ZNF804B: variants seen among roughly 807,000 people sequenced by gnomAD.
The protein encoded by ZNF804B is zinc finger protein 804B.
Under a neutral mutation model 101.4 loss-of-function variants are expected in ZNF804B, and 80 were observed. That is an observed-to-expected ratio of 0.79 (90% CI 0.66 to 0.95). ZNF804B has a LOEUF of 0.95. Ranked by LOEUF, ZNF804B falls within the 40% of genes least tolerant of loss-of-function variation. ZNF804B has a pLI of 0.00. For missense variants in ZNF804B, 1,673 were observed against 1,561.9 expected, an observed-to-expected ratio of 1.07 and a Z score of -1.20; for synonymous variants, 622 against 558.8, an observed-to-expected ratio of 1.11 and a Z score of -1.59.
intron 1 of ZNF804B, among the ~76,000 whole-genome samples, chr7:88,760,389 TGTC>T (rs1024352100): frequency 6.6e-5 from 10 of 152,352 alleles, no homozygotes; most frequent in Admixed American, 5.9e-4. Flanking sequence ...CTCTGTGCTA[TGTC>T]AACTTACGAA....
intron 1 of ZNF804B, among the ~76,000 whole-genome samples, chr7:88,801,962 C>T (rs926214790): frequency 6.6e-6 from 1 of 152,018 alleles, no homozygotes; most frequent in Non-Finnish European, 1.5e-5. Flanking sequence ...AATCTCATTT[C>T]GAATTGTAAT....
intron 2 of ZNF804B, among the ~76,000 whole-genome samples, chr7:89,279,715 G>T (rs1790050319): frequency 6.6e-6 from 1 of 152,076 alleles, no homozygotes; most frequent in South Asian, 2.1e-4. Flanking sequence ...CTTGATCATG[G>T]TGGGTAAGCT....
At chr7:89,259,466 GC>G (rs1789680322) in intron 2 of ZNF804B, among the ~76,000 whole-genome samples, 1 of 152,180 alleles carries the variant, frequency 6.6e-6, no homozygotes, top group Non-Finnish European at 1.5e-5. Context: ...GACTTTCACA[GC>G]TTTTTCTATA....
At chr7:88,762,927 G>A (rs1318244444) in intron 1 of ZNF804B, among the ~76,000 whole-genome samples, 1 of 151,888 alleles carries the variant, frequency 6.6e-6, no homozygotes, top group African/African-American at 2.4e-5. Context: ...TGTTTTATTA[G>A]AACTGTTTGC....
intron 1 of ZNF804B, among the ~76,000 whole-genome samples, chr7:89,192,279 C>T (rs999353476): frequency 3.3e-5 from 5 of 151,916 alleles, no homozygotes; most frequent in African/African-American, 1.2e-4. Context: ...TCTTTTCACC[C>T]CCTTTACCCC....
intron 3 of ZNF804B, among the ~76,000 whole-genome samples, chr7:89,331,706 G>A (rs929168138): frequency 6.6e-6 from 1 of 151,264 alleles, no homozygotes; most frequent in East Asian, 1.9e-4. Flanking sequence ...ATTGAATATT[G>A]TAAAAAAAAC....
rs150732505 is a variant in ZNF804B at position 89,222,458 on chromosome 7, A to T, written c.249+4163A>T. ...CTTTTCAAACTATCCCATTTATATGATCACTCTTTTCCTAGGAAATCTTTA... is the reference window on the plus strand; with the variant it reads ...CTTTTCAAACTATCCCATTTATATGTTCACTCTTTTCCTAGGAAATCTTTA... On this transcript the variant is annotated intron_variant, in intron 2 of 3. Transcript: ENST00000333190. Among the ~76,000 whole-genome samples the T allele has an allele frequency of 6.6e-4, 101 of 152,056 alleles. 1 individual carries two copies. Among genetic ancestry groups the T allele is most frequent in the Middle Eastern group, 6.8e-3 (2 of 294 alleles).
chr7:89,156,921 A>G (rs1790987750), intron 1 of ZNF804B, among the ~76,000 whole-genome samples: 1 of 152,156 alleles, frequency 6.6e-6, no homozygotes, highest in African/African-American at 2.4e-5. Context: ...TCGGAACTTG[A>G]TAACCAGTGA....
At chr7:89,151,725 A>G (rs1413528299) in intron 1 of ZNF804B, among the ~76,000 whole-genome samples, 1 of 152,138 alleles carries the variant, frequency 6.6e-6, no homozygotes, top group East Asian at 1.9e-4. Context: ...TTTTCCTGAA[A>G]GTGAGTGGCA....
chr7:88,762,297 G>A (rs1172236367), intron 1 of ZNF804B, among the ~76,000 whole-genome samples: 1 of 152,078 alleles, frequency 6.6e-6, no homozygotes, highest in African/African-American at 2.4e-5. Flanking sequence ...AGTTTCTCAT[G>A]TGAGCTGGGC....
Position 88,870,277 on chromosome 7 carries a change from C to T in ZNF804B, c.108+110193C>T, listed in dbSNP as rs1232586103. ...GCGCGCGCCTGTAGTCCCAGCTACA[C>T]GGGAGGCTGAGGCAGGAGAATGGCG... On this transcript the variant is annotated intron_variant, in intron 1 of 3. Transcript: ENST00000333190. Among the ~76,000 whole-genome samples the T allele has an allele frequency of 8.1e-5, 12 of 147,960 alleles. No homozygotes were observed. The South Asian group carries it at 8.7e-4, about 11-fold the overall frequency.
At chr7:89,271,650 G>C (rs929615735) in intron 2 of ZNF804B, among the ~76,000 whole-genome samples, 1 of 152,154 alleles carries the variant, frequency 6.6e-6, no homozygotes, top group Non-Finnish European at 1.5e-5. Context: ...AATGGTACCA[G>C]CTCCTCTTTG....
chr7:89,262,988 T>A (rs2115817928), intron 2 of ZNF804B, among the ~76,000 whole-genome samples: 1 of 152,342 alleles, frequency 6.6e-6, no homozygotes, highest in African/African-American at 2.4e-5. Context: ...AGTTGTCCTG[T>A]ACGACTATCT....
intron 2 of ZNF804B, among the ~76,000 whole-genome samples, chr7:89,280,154 G>C (rs1790065893): frequency 6.6e-6 from 1 of 152,164 alleles, no homozygotes; most frequent in African/African-American, 2.4e-5. Flanking sequence ...GCTCCTGAAA[G>C]ACTACTGGGT....
chr7:88,914,671 A>G (rs1792606113), intron 1 of ZNF804B, among the ~76,000 whole-genome samples: 1 of 152,212 alleles, frequency 6.6e-6, no homozygotes, highest in South Asian at 2.1e-4. Context: ...CAATTAAGTT[A>G]TATCAAAACT....
chr7:88,902,087 T>C (rs1336849404), intron 1 of ZNF804B, among the ~76,000 whole-genome samples: 2 of 151,946 alleles, frequency 1.3e-5, no homozygotes, highest in Admixed American at 6.6e-5. Context: ...CATCATTCTT[T>C]TGATTTAGCT....
chr7:88,862,921 T>C (rs1388940339), intron 1 of ZNF804B, among the ~76,000 whole-genome samples: 1 of 152,210 alleles, frequency 6.6e-6, no homozygotes, highest in Non-Finnish European at 1.5e-5. Context: ...CAGTGCTCTC[T>C]ATTCGTCATC....
chr7:88,900,224 T>C (rs1207220791), intron 1 of ZNF804B, among the ~76,000 whole-genome samples: 2 of 152,038 alleles, frequency 1.3e-5, no homozygotes, highest in Non-Finnish European at 2.9e-5. Context: ...ACAAAGATGT[T>C]AGTTCAGTGC....
intron 1 of ZNF804B, among the ~76,000 whole-genome samples, chr7:89,203,901 A>G (rs1396366776): frequency 1.3e-5 from 2 of 152,248 alleles, no homozygotes; most frequent in South Asian, 2.1e-4. Flanking sequence ...ACATAAACAC[A>G]GCAGAGATTA....
Sources: gnomAD v4.1 joint callset for allele counts (sites outside exome capture counted in the v4.1 genomes callset) on GRCh38, gnomAD v4.1.1 for gene constraint, MANE v1.5 for transcripts, NCBI Gene and HGNC (gene_info 2026-07-23, HGNC 2026-07-21) for gene names.